The following MBOAT2 variants were observed in gnomAD, a reference collection of about 807,000 sequenced individuals.
MBOAT2 encodes the protein membrane bound glycerophospholipid O-acyltransferase 2.
A neutral mutation model predicts 63.4 loss-of-function variants in MBOAT2; 28 were observed. The ratio of observed to expected loss-of-function variants is 0.44; its 90% confidence interval spans 0.33 to 0.61. The LOEUF (loss-of-function observed/expected upper bound fraction) is 0.61, where lower values mean the gene tolerates loss of function less well. Ranked by LOEUF, MBOAT2 falls within the 20% of genes least tolerant of loss-of-function variation. MBOAT2 has a pLI of 0.03. For missense variants in MBOAT2, 470 were observed against 605.8 expected (o/e 0.78, Z 2.35); for synonymous variants, 211 against 215.6 (o/e 0.98, Z 0.19).
chr2:8,887,088 G>A (rs1351474100), intron 5 of MBOAT2, among the ~76,000 whole-genome samples: 3 of 152,096 alleles, frequency 2.0e-5, no homozygotes, highest in African/African-American at 4.8e-5. Context: ...GAATCTGAGC[G>A]TACATCTGCC....
chr2:8,968,378 T>C (rs998099066), intron 1 of MBOAT2, among the ~76,000 whole-genome samples: 9 of 152,138 alleles, frequency 5.9e-5, no homozygotes, highest in Non-Finnish European at 1.0e-4. Context: ...ACCCCATCTG[T>C]ATGTCACCAT....
intron 4 of MBOAT2, among the ~76,000 whole-genome samples, chr2:8,900,870 C>G (rs937218440): frequency 1.3e-5 from 2 of 152,118 alleles, no homozygotes; most frequent in South Asian, 2.1e-4. Context: ...TTTTCCCCAT[C>G]AGAGAGAGAA....
rs761363613 is a variant in MBOAT2 at position 8,864,251 on chromosome 2, CTT to C, written c.988-19_988-18del. The stretch of plus-strand genomic sequence containing the variant: ...TGTTGACATCTGAAAAAAAAGGAAA[CTT>C]TTTTCTTTGTGTCACAAAATAATGA... On this transcript the variant is annotated intron_variant, in intron 9 of 12. Transcript: ENST00000305997. 3.3e-6 allele frequency: 5 copies of C among 1,502,014 alleles called. No individual in the cohort carries two copies. Among genetic ancestry groups the C allele is most frequent in the Non-Finnish European group, 4.5e-6 (5 of 1,113,342 alleles). The allele number at this position is 1,502,014 out of a possible 1,614,324, so 93.0% of individuals were successfully genotyped here.
chr2:8,933,121 G>A (rs1667439158), intron 3 of MBOAT2, among the ~76,000 whole-genome samples: 1 of 152,142 alleles, frequency 6.6e-6, no homozygotes. Flanking sequence ...ATGGTTGCAT[G>A]GGCTCTTAAT....
At chr2:8,909,104 G>GA (rs973877862) in intron 3 of MBOAT2, among the ~76,000 whole-genome samples, 1 of 152,016 alleles carries the variant, frequency 6.6e-6, no homozygotes, top group Non-Finnish European at 1.5e-5. Context: ...ATAGAATTTT[G>GA]AAAAAAACCT....
rs200471007 is a variant in MBOAT2 at position 8,901,968 on chromosome 2, G to A, written c.395+6653C>T. Among the ~76,000 whole-genome samples, 39 of 152,228 alleles carry A rather than the reference G, an allele frequency of 2.6e-4. No homozygotes were observed. In the East Asian group the frequency reaches 7.3e-3, roughly 29 times the overall value. ...TAGATAGGATAGATGGGCGAGTCTC[G>A]CTTGGGCGACATGACTTTGAGAGTT... On this transcript the variant is annotated intron_variant, in intron 4 of 12. Coordinates refer to ENST00000305997, the MANE Select transcript of MBOAT2 (RefSeq NM_138799.4).
chr2:8,967,263 C>T (rs1670059919), intron 1 of MBOAT2, among the ~76,000 whole-genome samples: 1 of 152,172 alleles, frequency 6.6e-6, no homozygotes, highest in Non-Finnish European at 1.5e-5. Flanking sequence ...GGTAATGTTT[C>T]TACTTTTTGC....
intron 1 of MBOAT2, among the ~76,000 whole-genome samples, chr2:8,998,247 T>C (rs192409880): frequency 2.0e-5 from 3 of 152,334 alleles, no homozygotes; most frequent in Admixed American, 1.3e-4. Context: ...AAGGAATCGT[T>C]CACAGCAGAC....
intron 4 of MBOAT2, among the ~76,000 whole-genome samples, chr2:8,903,487 T>C (rs1334278311): frequency 6.6e-6 from 1 of 151,648 alleles, no homozygotes; most frequent in Non-Finnish European, 1.5e-5. Context: ...TTTTTTTTTT[T>C]GGTGGGTACA....
Position 8,931,896 on chromosome 2 carries a change from G to C in MBOAT2, c.299+11291C>G, listed in dbSNP as rs1054971396. Reference sequence around the variant, plus strand: ...GTCTGTTGAAGATCAGATGGTTGTAGATGTGTGGTATTATTTCTGAGATCT... The same window carrying C: ...GTCTGTTGAAGATCAGATGGTTGTACATGTGTGGTATTATTTCTGAGATCT... On this transcript the variant is annotated intron_variant, in intron 3 of 12. Coordinates refer to ENST00000305997, the MANE Select transcript of MBOAT2 (RefSeq NM_138799.4). 2.0e-5 allele frequency among the ~76,000 whole-genome samples: 3 copies of C among 152,164 alleles called. 1 individual carries two copies. Among genetic ancestry groups the C allele is most frequent in the African/African-American group, 7.2e-5 (3 of 41,440 alleles).
intron 1 of MBOAT2, among the ~76,000 whole-genome samples, chr2:8,993,921 C>T (rs982007164): frequency 6.6e-6 from 1 of 152,206 alleles, no homozygotes; most frequent in Admixed American, 6.5e-5. Context: ...GTCAGTAACA[C>T]CCAAAACGCC....
intron 6 of MBOAT2, among the ~76,000 whole-genome samples, chr2:8,878,122 TG>T (rs1305399889): frequency 6.6e-6 from 1 of 152,186 alleles, no homozygotes; most frequent in Non-Finnish European, 1.5e-5. Flanking sequence ...GCACGTATCC[TG>T]GCAGTGGAGC....
chr2:8,879,834 C>T (rs1662977495), intron 6 of MBOAT2, among the ~76,000 whole-genome samples: 1 of 152,002 alleles, frequency 6.6e-6, no homozygotes, highest in Non-Finnish European at 1.5e-5. Flanking sequence ...GGGAGAGGGA[C>T]AATTAAAACA....
intron 3 of MBOAT2, among the ~76,000 whole-genome samples, chr2:8,937,542 G>A (rs955834480): frequency 6.6e-6 from 1 of 152,188 alleles, no homozygotes; most frequent in Admixed American, 6.5e-5. Context: ...AAGAGGATGT[G>A]TAACAAATCA....
At chr2:8,863,151 G>T (rs1478527376) in intron 10 of MBOAT2, among the ~76,000 whole-genome samples, 1 of 152,096 alleles carries the variant, frequency 6.6e-6, no homozygotes, top group Non-Finnish European at 1.5e-5. Context: ...CAGGGATAGA[G>T]AACTCAGCTG....
intron 3 of MBOAT2, among the ~76,000 whole-genome samples, chr2:8,919,418 T>C (rs180681477): frequency 4.6e-5 from 7 of 152,324 alleles, no homozygotes; most frequent in Non-Finnish European, 7.4e-5. Context: ...TCCATTCTAG[T>C]GGATATATAG....
Position 8,995,049 on chromosome 2 carries a change from C to T in MBOAT2, c.75+8491G>A, listed in dbSNP as rs184539642. On this transcript the variant is annotated intron_variant, in intron 1 of 12. Coordinates refer to ENST00000305997, the MANE Select transcript of MBOAT2 (RefSeq NM_138799.4). Reference sequence around the variant, plus strand: ...AAGAGTGTGAGAGTTTGTCAGGGGTCGGGGGTTGAATAAGCCATCCTTCTG... The same window carrying T: ...AAGAGTGTGAGAGTTTGTCAGGGGTTGGGGGTTGAATAAGCCATCCTTCTG... Among the ~76,000 whole-genome samples the T allele has an allele frequency of 2.8e-3, 420 of 151,386 alleles. 2 individuals are homozygous for T. Among genetic ancestry groups the T allele is most frequent in the Non-Finnish European group, 4.3e-3 (291 of 67,662 alleles).
chr2:8,923,173 C>T (rs1666702790), intron 3 of MBOAT2, among the ~76,000 whole-genome samples: 2 of 152,316 alleles, frequency 1.3e-5, no homozygotes, highest in South Asian at 4.1e-4. Context: ...GGGACTACAT[C>T]TTTGCTAAAG....
intron 1 of MBOAT2, among the ~76,000 whole-genome samples, chr2:8,996,782 A>C (rs1672341241): frequency 6.6e-6 from 1 of 152,172 alleles, no homozygotes; most frequent in Admixed American, 6.5e-5. Context: ...TAGCTCTTTA[A>C]GTTACCTGGT....
Sources: gnomAD v4.1 joint callset for allele counts (sites outside exome capture counted in the v4.1 genomes callset) on GRCh38, gnomAD v4.1.1 for gene constraint, MANE v1.5 for transcripts, NCBI Gene and HGNC (gene_info 2026-07-23, HGNC 2026-07-21) for gene names.